Variants in CDKAL1 observed in about 807,000 individuals in gnomAD.
CDKAL1 encodes the protein threonylcarbamoyladenosine tRNA methylthiotransferase.
In CDKAL1, 32 loss-of-function variants were observed where a neutral mutation model predicts 68.2. The ratio of observed to expected loss-of-function variants is 0.47; its 90% CI spans 0.35 to 0.63. The LOEUF is 0.63. CDKAL1 is among the 30% of genes least tolerant of loss of function. CDKAL1 has a pLI of 0.00. For synonymous variants in CDKAL1, 234 were observed against 244.3 expected (o/e 0.96, Z 0.39); for missense variants, 606 against 696.7 (o/e 0.87, Z 1.47).
At chr6:20,920,194 A>T (rs1762888057) in intron 9 of CDKAL1, among the ~76,000 whole-genome samples, 1 of 152,190 alleles carries the variant, frequency 6.6e-6, no homozygotes, top group Non-Finnish European at 1.5e-5. Flanking sequence ...ACTGTGAAGC[A>T]TCTCTTTTGG....
chr6:20,546,268 G>T, intron 2 of CDKAL1, 78 bp from the exon 3 acceptor site: 1 of 1,091,642 alleles, frequency 9.2e-7, no homozygotes, highest in Non-Finnish European at 1.3e-6. Context: ...ATTCAAATTT[G>T]GTGAGAATAT....
chr6:20,691,416 C>A (rs1770864888), intron 5 of CDKAL1, among the ~76,000 whole-genome samples: 1 of 152,024 alleles, frequency 6.6e-6, no homozygotes, highest in Non-Finnish European at 1.5e-5. Flanking sequence ...GAGTAATGGT[C>A]TGAGGCAAGG....
chr6:21,204,564 C>T (rs1022429123), intron 15 of CDKAL1, among the ~76,000 whole-genome samples: 5 of 152,146 alleles, frequency 3.3e-5, no homozygotes, highest in Admixed American at 6.5e-5. Flanking sequence ...GCGTGCTTAT[C>T]GTAGCCAAAT....
At chr6:20,716,619 G>T (rs1034394761) in intron 5 of CDKAL1, among the ~76,000 whole-genome samples, 1 of 151,798 alleles carries the variant, frequency 6.6e-6, no homozygotes, top group African/African-American at 2.4e-5. Context: ...GGCATATGTT[G>T]GTACCATTTA....
chr6:20,911,007 G>C (rs991060092), intron 9 of CDKAL1, among the ~76,000 whole-genome samples: 1 of 152,202 alleles, frequency 6.6e-6, no homozygotes. Context: ...TGCACCTCTA[G>C]CCTTCAACAG....
intron 8 of CDKAL1, among the ~76,000 whole-genome samples, chr6:20,807,929 T>C (rs974546096): frequency 1.3e-5 from 2 of 152,250 alleles, no homozygotes; most frequent in Admixed American, 6.5e-5. Context: ...AACTCACACC[T>C]AATCTTCATT....
chr6:21,093,303 A>G (rs933522796), intron 12 of CDKAL1, among the ~76,000 whole-genome samples: 2 of 152,202 alleles, frequency 1.3e-5, no homozygotes, highest in Non-Finnish European at 2.9e-5. Flanking sequence ...TCATCCTAGG[A>G]TTTTGTACCC....
chr6:20,769,257 CTTTTT>C (rs371966986), intron 7 of CDKAL1, among the ~76,000 whole-genome samples: 1 of 115,006 alleles, frequency 8.7e-6, no homozygotes, highest in Non-Finnish European at 1.7e-5. Context: ...TTGTGATCAT[CTTTTT>C]TTTTTTTTTT....
chr6:21,167,360 A>G (rs1372072503), intron 13 of CDKAL1, among the ~76,000 whole-genome samples: 2 of 152,236 alleles, frequency 1.3e-5, no homozygotes, highest in South Asian at 2.1e-4. Flanking sequence ...AAAAGTAACC[A>G]TGACTGATTC....
At chr6:20,714,500 C>T (rs932813251) in intron 5 of CDKAL1, among the ~76,000 whole-genome samples, 5 of 150,536 alleles carry the variant, frequency 3.3e-5, no homozygotes, top group Non-Finnish European at 7.4e-5. Flanking sequence ...GTGATCCTCC[C>T]ACTTCAGCCT....
At chr6:20,996,828 A>C (rs764428044) in intron 10 of CDKAL1, among the ~76,000 whole-genome samples, 1 of 152,228 alleles carries the variant, frequency 6.6e-6, no homozygotes, top group Non-Finnish European at 1.5e-5. Context: ...TGGGAAGCAC[A>C]ATAAAATGAT....
At chr6:20,993,390 C>T (rs972612787) in intron 10 of CDKAL1, 5 of 151,660 alleles carry the variant, frequency 3.3e-5, no homozygotes, top group Non-Finnish European at 7.4e-5. Context: ...GCATTTTGAA[C>T]ATGCATGTAC....
At chr6:20,837,744 T>TATAATA (rs56163103) in intron 8 of CDKAL1, among the ~76,000 whole-genome samples, 212 of 148,048 alleles carry the variant, frequency 1.4e-3, no homozygotes, top group Admixed American at 5.3e-3. Context: ...CACTTCAGCA[T>TATAATA]ATAATAATAA....
chr6:20,948,585 T>C (rs1764373575), intron 9 of CDKAL1, among the ~76,000 whole-genome samples: 1 of 152,236 alleles, frequency 6.6e-6, no homozygotes, highest in Admixed American at 6.5e-5. Context: ...CTAATGATTT[T>C]CTTCTTTCCT....
intron 2 of CDKAL1, among the ~76,000 whole-genome samples, chr6:20,543,510 T>G (rs77742496): frequency 0.017 from 2,643 of 152,298 alleles, 87 homozygotes; most frequent in African/African-American, 0.061. Context: ...GGTTTGCAAA[T>G]ATTTTCTTCC....
intron 15 of CDKAL1, among the ~76,000 whole-genome samples, chr6:21,215,864 T>C (rs895452896): frequency 6.6e-6 from 1 of 152,144 alleles, no homozygotes; most frequent in Non-Finnish European, 1.5e-5. Flanking sequence ...TTAGATTACA[T>C]GACAGAGAGA....
rs1770706538 is a variant in CDKAL1, at chr6:20,688,042, A to T, written c.371+38665A>T. ...TTTTTTTTTATCAACACTTTATTTTACTTTACCACTCGCTTGTATGGTTTC... is the reference window on the plus strand; with the variant it reads ...TTTTTTTTTATCAACACTTTATTTTTCTTTACCACTCGCTTGTATGGTTTC... On this transcript the variant is annotated intron_variant, in intron 5 of 15. Transcript: ENST00000274695. Among the ~76,000 whole-genome samples the T allele has an allele frequency of 2.0e-5, 3 of 151,556 alleles. No homozygotes were observed. The South Asian group carries it at 6.3e-4, about 32-fold the overall frequency.
chr6:20,793,422 A>G (rs1775982286), intron 8 of CDKAL1, among the ~76,000 whole-genome samples: 1 of 152,140 alleles, frequency 6.6e-6, no homozygotes, highest in African/African-American at 2.4e-5. Flanking sequence ...AGGATGGAGT[A>G]TGGTTGAGAT....
At chr6:20,740,446 T>C (rs1773399808) in intron 6 of CDKAL1, among the ~76,000 whole-genome samples, 1 of 152,178 alleles carries the variant, frequency 6.6e-6, no homozygotes, top group African/African-American at 2.4e-5. Context: ...GTAGCTGATA[T>C]TCAGTCAATA....
Sources: gnomAD v4.1 joint callset for allele counts (sites outside exome capture counted in the v4.1 genomes callset) on GRCh38, gnomAD v4.1.1 for gene constraint, MANE v1.5 for transcripts, NCBI Gene and HGNC (gene_info 2026-07-23, HGNC 2026-07-21) for gene names.